Variants in PLEKHA7 observed in about 807,000 individuals in gnomAD.
PLEKHA7 encodes pleckstrin homology domain-containing family A member 7.
Under a neutral mutation model 170.0 loss-of-function variants are expected in PLEKHA7, and 104 were observed. The observed-to-expected ratio is 0.61, with a 90% CI of 0.52 to 0.72. PLEKHA7 has a LOEUF of 0.72. PLEKHA7 is among the 30% of genes least tolerant of loss of function. The probability of loss-of-function intolerance (pLI) is 0.00; values close to 1 mark genes in which losing one functional copy is unlikely to be tolerated. For missense variants in PLEKHA7, 1,615 were observed against 1,671.7 expected, an observed-to-expected ratio of 0.97 and a Z score of 0.59; for synonymous variants, 648 against 660.8, an observed-to-expected ratio of 0.98 and a Z score of 0.30.
chr11:16,890,639 T>A (rs966508489), intron 3 of PLEKHA7, among the ~76,000 whole-genome samples: 2 of 152,170 alleles, frequency 1.3e-5, no homozygotes, highest in Non-Finnish European at 2.9e-5. Context: ...GACTCAGAGC[T>A]TACCTCATCT....
Position 17,011,007 on chromosome 11 carries a change from T to C in PLEKHA7, c.221+2982A>G, listed in dbSNP as rs572333598. On this transcript the variant is annotated intron_variant, in intron 3 of 26. Coordinates refer to ENST00000531066, the MANE Select transcript of PLEKHA7 (RefSeq NM_001329630.2). ...GGGAACACTGTCACACATTGCTTTT[T>C]CTAGGCCTGGGAGGAGTCAGCCAAG... Among the ~76,000 whole-genome samples the C allele has an allele frequency of 5.9e-5, 9 of 152,294 alleles. No homozygotes were observed. The East Asian group carries it at 9.7e-4, about 16-fold the overall frequency.
rs1301063611 is a variant in PLEKHA7, at chr11:16,826,534, C to G, written c.929G>C (p.Cys310Ser). ...GGGTCCCACCCGGCCACATTCGTGA[C>G]AGGACTCTGTGTGGTTGGCCTGGGG... is the stretch of plus-strand genomic sequence containing the variant. ...AVPQANHTES[C>S]HECGRVGPGH... The change falls in exon 10 of 27, where the codon TGT (cysteine) becomes TCT (serine). Residue 310 changes from cysteine (C) to serine (S), a missense_variant. Transcript: ENST00000531066. The G allele has an allele frequency of 6.2e-7, 1 of 1,614,184 alleles. No individual in the cohort carries two copies. Among genetic ancestry groups the G allele is most frequent in the East Asian group, 2.2e-5 (1 of 44,878 alleles).
At chr11:16,845,847 G>C (rs1852357590) in intron 8 of PLEKHA7, among the ~76,000 whole-genome samples, 1 of 152,176 alleles carries the variant, frequency 6.6e-6, no homozygotes, top group African/African-American at 2.4e-5. Context: ...AAGGGGAGGA[G>C]CAGACAGGGT....
intron 3 of PLEKHA7, among the ~76,000 whole-genome samples, chr11:16,989,851 C>T (rs1391672268): frequency 3.9e-5 from 6 of 152,156 alleles, no homozygotes; most frequent in Non-Finnish European, 8.8e-5. Flanking sequence ...CAGCTCTAAT[C>T]CCACTACATG....
intron 3 of PLEKHA7, among the ~76,000 whole-genome samples, chr11:16,996,003 T>C (rs1864317551): frequency 6.6e-6 from 1 of 152,224 alleles, no homozygotes; most frequent in Non-Finnish European, 1.5e-5. Flanking sequence ...TCAGAGTCCC[T>C]GCAGAAGTCA....
chr11:16,920,438 T>C (rs1048674370), intron 3 of PLEKHA7, among the ~76,000 whole-genome samples: 4 of 151,960 alleles, frequency 2.6e-5, no homozygotes, highest in African/African-American at 7.2e-5. Context: ...TCCCCATTTC[T>C]AAACAAACAA....
chr11:17,014,368 G>A lies in PLEKHA7; in HGVS notation c.34C>T (p.Pro12Ser), dbSNP rs1865547380. 11 of 1,396,604 alleles carry A rather than the reference G, an allele frequency of 7.9e-6. No individual in the cohort carries two copies. The highest frequency in any genetic ancestry group is 3.4e-5 in the East Asian group (1 of 29,470). 86.5% of individuals were successfully genotyped at this position (1,396,604 alleles called of 1,614,324 possible). A position where few individuals can be genotyped will look rare whatever the true frequency, so the allele number is the denominator to read the frequency against. The change falls in exon 1 of 27, where the codon CCT (proline) becomes TCT (serine). Residue 12 changes from proline to serine, a missense_variant. Transcript: ENST00000531066. ...CACACCCCGTAGGACCAATGCTCAG[G>A]TAAAGTGTCCCGCCCGACCGTCGCC... Reference protein sequence around the residue: ...AAATVGRDTLPEHWSYGVCRD... With the variant: ...AAATVGRDTLSEHWSYGVCRD...
intron 9 of PLEKHA7, among the ~76,000 whole-genome samples, chr11:16,838,996 C>T (rs1851750374): frequency 6.6e-6 from 1 of 152,060 alleles, no homozygotes; most frequent in South Asian, 2.1e-4. Context: ...ACACAGCTTT[C>T]TTTAAAGGGC....
intron 3 of PLEKHA7, among the ~76,000 whole-genome samples, chr11:16,902,890 C>T (rs915488470): frequency 1.3e-5 from 2 of 152,126 alleles, no homozygotes; most frequent in Non-Finnish European, 2.9e-5. Flanking sequence ...TTATTATTAA[C>T]AACACCCTTA....
chr11:16,974,174 G>A, intron 3 of PLEKHA7, among the ~76,000 whole-genome samples: 1 of 151,706 alleles, frequency 6.6e-6, no homozygotes, highest in Non-Finnish European at 1.5e-5. Flanking sequence ...TCTCAGGTGG[G>A]AGGATTACCT....
chr11:16,795,851 C>CTTTTTTTTTTTT lies in PLEKHA7; in HGVS notation c.2410-845_2410-834dup, dbSNP rs1179377641. On this transcript the variant is annotated intron_variant, in intron 17 of 26. Coordinates refer to ENST00000531066, the MANE Select transcript of PLEKHA7 (RefSeq NM_001329630.2). ...CTACGTATTTTACCACAGTTTTTTCCTTTTTTTTTTTTTTTTTTTTTGAGA... is the reference window on the plus strand; with the variant it reads ...CTACGTATTTTACCACAGTTTTTTCCTTTTTTTTTTTTTTTTTTTTTTTTTTTTTTTTTGAGA... Among the ~76,000 whole-genome samples, 5 of 93,080 alleles carry CTTTTTTTTTTTT rather than the reference C, an allele frequency of 5.4e-5. 1 individual carries two copies. The highest frequency in any genetic ancestry group is 9.9e-5 in the Non-Finnish European group (5 of 50,276). 61.1% of individuals were successfully genotyped at this position (93,080 alleles called of 152,430 possible).
intron 3 of PLEKHA7, among the ~76,000 whole-genome samples, chr11:17,002,759 T>A (rs1864744593): frequency 6.6e-6 from 1 of 152,150 alleles, no homozygotes; most frequent in East Asian, 1.9e-4. Flanking sequence ...GCTGCACAGA[T>A]TAAGAAGCAG....
intron 3 of PLEKHA7, among the ~76,000 whole-genome samples, chr11:16,973,715 A>G (rs1473443235): frequency 6.6e-6 from 1 of 152,062 alleles, no homozygotes; most frequent in African/African-American, 2.4e-5. Flanking sequence ...CTATGCCTTG[A>G]GCCCACCCTG....
At chr11:17,003,339 C>T (rs930639132) in intron 3 of PLEKHA7, among the ~76,000 whole-genome samples, 4 of 152,152 alleles carry the variant, frequency 2.6e-5, no homozygotes, top group Admixed American at 1.3e-4. Flanking sequence ...GAGTTGAGTT[C>T]TACAGTTTGC....
At chr11:16,937,625 T>G (rs1860399531) in intron 3 of PLEKHA7, among the ~76,000 whole-genome samples, 1 of 152,086 alleles carries the variant, frequency 6.6e-6, no homozygotes, top group Admixed American at 6.6e-5. Flanking sequence ...CTTTTTTTTT[T>G]TAGATGGAGT....
chr11:16,931,481 G>A (rs1859917613), intron 3 of PLEKHA7, among the ~76,000 whole-genome samples: 1 of 152,166 alleles, frequency 6.6e-6, no homozygotes, highest in Non-Finnish European at 1.5e-5. Context: ...CCAACAGTTT[G>A]GGAGGCTGAG....
intron 3 of PLEKHA7, among the ~76,000 whole-genome samples, chr11:16,918,994 T>C (rs1254901990): frequency 1.3e-5 from 2 of 152,134 alleles, no homozygotes; most frequent in Non-Finnish European, 2.9e-5. Flanking sequence ...GTGGATCACC[T>C]GAGGTCAGGA....
intron 3 of PLEKHA7, among the ~76,000 whole-genome samples, chr11:16,881,999 G>C (rs186291325): frequency 6.7e-4 from 102 of 152,272 alleles, no homozygotes; most frequent in African/African-American, 2.3e-3. Flanking sequence ...AGGCACCAAA[G>C]TGAAAGATCA....
chr11:16,984,702 G>T (rs1177060326), intron 3 of PLEKHA7, among the ~76,000 whole-genome samples: 2 of 152,104 alleles, frequency 1.3e-5, no homozygotes, highest in Admixed American at 6.5e-5. Flanking sequence ...CATTTCGTTT[G>T]CTCTCTTTCT....
Sources: allele counts gnomAD v4.1 joint callset (sites outside exome capture counted in the v4.1 genomes callset), GRCh38; gene constraint gnomAD v4.1.1; transcripts MANE v1.5; gene names NCBI Gene and HGNC (gene_info 2026-07-23, HGNC 2026-07-21).